Variants in SLC36A2 observed in about 807,000 individuals in gnomAD.
SLC36A2 encodes the protein solute carrier family 36 member 2.
In SLC36A2, 39 loss-of-function variants were observed where a neutral mutation model predicts 42.7. That is an observed-to-expected ratio of 0.91 (90% CI 0.71 to 1.19). The LOEUF (loss-of-function observed/expected upper bound fraction) is 1.19, where lower values mean the gene tolerates loss of function less well. Ranked by LOEUF, SLC36A2 falls within the 50% of genes most tolerant of loss-of-function variation. The probability of loss-of-function intolerance (pLI) is 0.00; values close to 1 mark genes in which losing one functional copy is unlikely to be tolerated. For synonymous variants in SLC36A2, 237 were observed against 240.8 expected (o/e 0.98, Z 0.15); for missense variants, 590 against 613.7 (o/e 0.96, Z 0.41).
chr5:151,323,647 C>T (rs1471673377), intron 8 of SLC36A2, among the ~76,000 whole-genome samples: 1 of 152,190 alleles, frequency 6.6e-6, no homozygotes, highest in Non-Finnish European at 1.5e-5. Flanking sequence ...AAGGAGTTTC[C>T]CTGTTGTCTC....
chr5:151,344,345 C>CCGCCT, intron 1 of SLC36A2, 78 bp from the exon 2 acceptor site: 2 of 1,238,162 alleles, frequency 1.6e-6, no homozygotes, highest in Non-Finnish European at 2.3e-6. Context: ...TGCAGCATGC[C>CCGCCT]AGCACCTGAT....
At chr5:151,328,708 G>A (rs547838735) in intron 7 of SLC36A2, among the ~76,000 whole-genome samples, 4 of 152,298 alleles carry the variant, frequency 2.6e-5, no homozygotes, top group African/African-American at 9.6e-5. Flanking sequence ...TCTGAAGAGT[G>A]TGGGAAATCA....
chr5:151,339,146 T>C lies in SLC36A2; in HGVS notation c.441-2A>G, dbSNP rs1226877573. On this transcript the variant is annotated splice_acceptor_variant, in intron 4 of 9. Coordinates refer to ENST00000335244, the MANE Select transcript of SLC36A2 (RefSeq NM_181776.3). LOFTEE classifies it high-confidence loss of function. ...ATAAGGAAGAAGCTCACGATATGCC[T>C]AGAAGGGAGAAGAGAGGGAAAAAGA... 1.9e-6 allele frequency: 3 copies of C among 1,604,222 alleles called. No individual in the cohort carries two copies. The highest frequency in any genetic ancestry group is 1.7e-5 in the Admixed American group (1 of 59,796).
chr5:151,347,307 TG>T lies in SLC36A2; in HGVS notation c.153del (p.Lys52ArgfsTer3), dbSNP rs772768342. ...GAAAACAGCACTCACGTTATGCCCT[TG>T]GTCTTCTTCAAGCCTGCTGACTCTG... ...SPSESAGLKK[T>X]KGITVFQALI... is the part of the protein sequence containing the mutation. On this transcript the variant is annotated frameshift_variant, in exon 1 of 10. Coordinates refer to ENST00000335244, the MANE Select transcript of SLC36A2 (RefSeq NM_181776.3). LOFTEE classifies it high-confidence loss of function. The T allele has an allele frequency of 3.1e-6, 5 of 1,614,152 alleles. No homozygotes were observed. Among genetic ancestry groups the T allele is most frequent in the Non-Finnish European group, 4.2e-6 (5 of 1,179,972 alleles).
At chr5:151,321,019 A>G (rs1308839284) in intron 9 of SLC36A2, among the ~76,000 whole-genome samples, 1 of 152,226 alleles carries the variant, frequency 6.6e-6, no homozygotes, top group Non-Finnish European at 1.5e-5. Flanking sequence ...AGTAGGGTTT[A>G]TCATAGTTCT....
chr5:151,335,293 C>T, intron 6 of SLC36A2, 36 bp downstream of exon 6: 1 of 1,538,228 alleles, frequency 6.5e-7, no homozygotes. Flanking sequence ...AAAAACCCTG[C>T]CCAGTGGAGT....
rs1410149785 is a variant in SLC36A2 at position 151,325,287 on chromosome 5, A to T, written c.1009T>A (p.Trp337Arg). The change falls in exon 8 of 10, where the codon TGG (tryptophan) becomes AGG (arginine). Residue 337 changes from tryptophan (W) to arginine (R), a missense_variant and splice_region_variant. Coordinates refer to ENST00000335244, the MANE Select transcript of SLC36A2 (RefSeq NM_181776.3). ...ASISLNLPNC[W>R]LYQSVKLLYI... ...CCACCTGACAGCCCATGAAGATACC[A>T]GCAGTTAGGCAGGTTAAGGCTTATG... The T allele has an allele frequency of 2.5e-6, 4 of 1,613,226 alleles. No homozygotes were observed. The highest frequency in any genetic ancestry group is 3.4e-6 in the Non-Finnish European group (4 of 1,179,628).
At chr5:151,342,048 A>G (rs1347474052) in intron 4 of SLC36A2, among the ~76,000 whole-genome samples, 1 of 152,108 alleles carries the variant, frequency 6.6e-6, no homozygotes, top group Non-Finnish European at 1.5e-5. Flanking sequence ...CTCCCTTACA[A>G]TCTATTCTCC....
intron 5 of SLC36A2, chr5:151,338,689 AAAAG>A (rs1756229604): frequency 1.9e-5 from 4 of 208,690 alleles, no homozygotes; most frequent in Middle Eastern, 2.0e-3. Flanking sequence ...AAGAAAAAAA[AAAAG>A]AAAGAAAGAT....
intron 7 of SLC36A2, among the ~76,000 whole-genome samples, chr5:151,326,914 A>G (rs1251216903): frequency 6.6e-6 from 1 of 150,950 alleles, no homozygotes; most frequent in Non-Finnish European, 1.5e-5. Context: ...CGAGCTCAAG[A>G]GATCCCTCCC....
chr5:151,322,962 A>G (rs765793451), intron 8 of SLC36A2, among the ~76,000 whole-genome samples: 1 of 152,176 alleles, frequency 6.6e-6, no homozygotes, highest in Admixed American at 6.5e-5. Flanking sequence ...GATGCTGGGC[A>G]CAGTGGCTCA....
chr5:151,330,428 C>G (rs1262114499), intron 7 of SLC36A2, among the ~76,000 whole-genome samples: 1 of 152,060 alleles, frequency 6.6e-6, no homozygotes, highest in East Asian at 1.9e-4. Flanking sequence ...AATTGTCCAC[C>G]TAGAATTCCA....
chr5:151,334,811 A>G (rs1357026970), intron 6 of SLC36A2, among the ~76,000 whole-genome samples: 2 of 152,218 alleles, frequency 1.3e-5, no homozygotes, highest in Non-Finnish European at 2.9e-5. Flanking sequence ...TAACATTATA[A>G]TAGATTTGCT....
Position 151,347,197 on chromosome 5 carries a change from C to T in SLC36A2, c.164+100G>A, listed in dbSNP as rs1044524010. 52 of 1,440,340 alleles carry T rather than the reference C, an allele frequency of 3.6e-5. No individual in the cohort carries two copies. In the African/African-American group the frequency reaches 6.9e-4, roughly 19 times the overall value. The allele number at this position is 1,440,340 out of a possible 1,614,324, so 89.2% of individuals were successfully genotyped here. A position where few individuals can be genotyped will look rare whatever the true frequency, so the allele number is the denominator to read the frequency against. ...TTTTGCAACCTTGGTTTCTCATCTG[C>T]ACAGTGGGTTGAGGGTCAGACACAC... On this transcript the variant is annotated intron_variant, in intron 1 of 9. Coordinates refer to ENST00000335244, the MANE Select transcript of SLC36A2 (RefSeq NM_181776.3).
At chr5:151,318,615 T>C (rs1755589325) in intron 9 of SLC36A2, among the ~76,000 whole-genome samples, 1 of 146,646 alleles carries the variant, frequency 6.8e-6, no homozygotes, top group South Asian at 2.1e-4. Flanking sequence ...ATATAAATAA[T>C]ATAAATAAAT....
chr5:151,316,763 A>AGG lies in SLC36A2; in HGVS notation c.*53_*54insCC. The AGG allele has an allele frequency of 1.3e-6, 2 of 1,490,268 alleles. No homozygotes were observed. Among genetic ancestry groups the AGG allele is most frequent in the African/African-American group, 3.3e-5 (2 of 60,106 alleles). The allele number at this position is 1,490,268 out of a possible 1,614,324, so 92.3% of individuals were successfully genotyped here. ...CTCAAAAAAAAAAAAAAAAAAAAAA[A>AGG]GAGATCCATATAATTAAAAGTCGGG... is the stretch of plus-strand genomic sequence containing the variant. On this transcript the variant is annotated 3_prime_UTR_variant, in exon 10 of 10. Coordinates refer to ENST00000335244, the MANE Select transcript of SLC36A2 (RefSeq NM_181776.3).
rs1216759540 is a variant in SLC36A2, at chr5:151,315,929, A to G, written c.*888T>C. 1 of 152,154 alleles carries G rather than the reference A, an allele frequency of 6.6e-6. No homozygotes were observed. Among genetic ancestry groups the G allele is most frequent in the Non-Finnish European group, 1.5e-5 (1 of 68,036 alleles). The allele number at this position is 152,154 out of a possible 1,614,324, so 9.4% of individuals were successfully genotyped here. A position where few individuals can be genotyped will look rare whatever the true frequency, so the allele number is the denominator to read the frequency against. ...TGTTGGGATCTTTGAGTTGGGAGAA[A>G]ATGTTATCTAATCGTTTGAAATGTT... On this transcript the variant is annotated 3_prime_UTR_variant, in exon 10 of 10. Transcript: ENST00000335244.
In SLC36A2 at chr5:151,345,909, C is replaced by T. The variant is rs527579905; in HGVS notation, c.164+1388G>A. On this transcript the variant is annotated intron_variant, in intron 1 of 9. Transcript: ENST00000335244. ...GTCTGGGGTATTTATGCTCAAATCT[C>T]CCAGGAGGAGAGAACTATCATTGAC... Among the ~76,000 whole-genome samples, 10 of 152,260 alleles carry T rather than the reference C, an allele frequency of 6.6e-5. No homozygotes were observed. The East Asian group carries it at 1.7e-3, about 27-fold the overall frequency.
chr5:151,323,630 G>C (rs1201508384), intron 8 of SLC36A2, among the ~76,000 whole-genome samples: 6 of 152,214 alleles, frequency 3.9e-5, no homozygotes, highest in Non-Finnish European at 2.9e-5. Flanking sequence ...GAGTTGACCT[G>C]CCGGACAAGG....
Sources: gnomAD v4.1 joint callset for allele counts (sites outside exome capture counted in the v4.1 genomes callset) on GRCh38, gnomAD v4.1.1 for gene constraint, MANE v1.5 for transcripts, NCBI Gene and HGNC (gene_info 2026-07-23, HGNC 2026-07-21) for gene names.